NAV3: variants seen among roughly 807,000 people sequenced by gnomAD.
NAV3 encodes neuron navigator 3, also known as pore membrane and/or filament interacting like protein 1.
NAV3 carries 87 observed loss-of-function variants against 244.7 expected under a neutral mutation model. The observed-to-expected ratio is 0.36, with a 90% CI of 0.30 to 0.42. NAV3 has a LOEUF of 0.42. Among genes scored for constraint, NAV3 ranks in the 20% least tolerant of loss-of-function variants. The pLI, the probability that NAV3 is intolerant of heterozygous loss-of-function variation, is 1.00. For synonymous variants in NAV3, 1,126 were observed against 1,042.2 expected, an observed-to-expected ratio of 1.08 and a Z score of -1.55; for missense variants, 2,663 against 2,893.3, an observed-to-expected ratio of 0.92 and a Z score of 1.83.
In NAV3 at chr12:78,177,294, C is replaced by T. The variant is rs1378774126; in HGVS notation, c.5278C>T (p.Pro1760Ser). The change falls in exon 27 of 40, where the codon CCC (proline) becomes TCC (serine). Residue 1760 changes from proline to serine, a missense_variant. By Grantham distance (74) the Pro-to-Ser change is moderately conservative. Around this residue, in one of 6 missense-constraint regions of NAV3, gnomAD observed 193 missense variants for 200.7 expected, o/e 0.96. Coordinates refer to ENST00000397909, the MANE Select transcript of NAV3 (RefSeq NM_001024383.2). ...AGDCGSASMK[P>S]SQSASASPLV... The stretch of plus-strand genomic sequence containing the variant: ...TGACTGTGGCTCAGCATCCATGAAG[C>T]CCTCACAATCTGCTTCAGCGTAAGT... The T allele has an allele frequency of 1.2e-6, 2 of 1,610,760 alleles. No individual in the cohort carries two copies. The highest frequency in any genetic ancestry group is 8.5e-7 in the Non-Finnish European group (1 of 1,179,082).
At chr12:77,885,018 T>TTTGG (rs1883111196) in intron 1 of NAV3, among the ~76,000 whole-genome samples, 1 of 152,148 alleles carries the variant, frequency 6.6e-6, no homozygotes, top group South Asian at 2.1e-4. Context: ...GAATCTCATC[T>TTTGG]TTATTGTTGG....
chr12:77,728,722 C>T (rs1478526922), intron 2 of NAV3, among the ~76,000 whole-genome samples: 1 of 151,726 alleles, frequency 6.6e-6, no homozygotes, highest in Non-Finnish European at 1.5e-5. Flanking sequence ...TAAGTGATGT[C>T]CAGAACACAC....
chr12:77,818,233 T>C (rs1872594465), intron 2 of NAV3, among the ~76,000 whole-genome samples: 1 of 152,146 alleles, frequency 6.6e-6, no homozygotes, highest in Non-Finnish European at 1.5e-5. Context: ...ATCACAAATA[T>C]TTTATTTCAT....
At chr12:77,969,024 A>T (rs2138004406) in intron 5 of NAV3, among the ~76,000 whole-genome samples, 1 of 152,186 alleles carries the variant, frequency 6.6e-6, no homozygotes, top group Middle Eastern at 3.4e-3. Flanking sequence ...TGTGCTATTG[A>T]GTCCTAGTCT....
intron 2 of NAV3, among the ~76,000 whole-genome samples, chr12:77,629,805 G>A (rs1249552999): frequency 6.6e-6 from 1 of 152,068 alleles, no homozygotes; most frequent in African/African-American, 2.4e-5. Flanking sequence ...CTGCCTTTTG[G>A]ATAAGCTCAG....
chr12:77,667,229 A>G (rs897922072), intron 2 of NAV3, among the ~76,000 whole-genome samples: 1 of 152,140 alleles, frequency 6.6e-6, no homozygotes, highest in Admixed American at 6.5e-5. Flanking sequence ...GAAATACCGC[A>G]GGAACATACC....
intron 2 of NAV3, among the ~76,000 whole-genome samples, chr12:77,647,178 G>C (rs1565751709): frequency 6.6e-6 from 1 of 152,096 alleles, no homozygotes; most frequent in African/African-American, 2.4e-5. Context: ...CCATTAATAA[G>C]AGAATGGATG....
At chr12:77,793,336 C>A (rs1177517646) in intron 2 of NAV3, among the ~76,000 whole-genome samples, 1 of 152,140 alleles carries the variant, frequency 6.6e-6, no homozygotes, top group African/African-American at 2.4e-5. Flanking sequence ...TTTTGGGATA[C>A]ATGTGCAGAA....
intron 2 of NAV3, among the ~76,000 whole-genome samples, chr12:77,733,006 A>T (rs1043433860): frequency 4.3e-4 from 65 of 152,210 alleles, no homozygotes; most frequent in African/African-American, 1.5e-3. Flanking sequence ...TTTGGGCTTT[A>T]GCCTGACAGC....
Position 78,118,438 on chromosome 12 carries a change from T to C in NAV3, c.3040+141T>C, listed in dbSNP as rs144735263. Reference sequence around the variant, plus strand: ...AACATGGAGTCAAATAGTTAAATAGTTTTTCTGTCTACGTTTCACAAACTC... The same window carrying C: ...AACATGGAGTCAAATAGTTAAATAGCTTTTCTGTCTACGTTTCACAAACTC... On this transcript the variant is annotated intron_variant, in intron 14 of 39. Coordinates refer to ENST00000397909, the MANE Select transcript of NAV3 (RefSeq NM_001024383.2). The C allele has an allele frequency of 2.0e-3, 2,372 of 1,185,200 alleles. 35 individuals are homozygous for C. The East Asian group carries it at 0.038, about 19-fold the overall frequency. The allele number at this position is 1,185,200 out of a possible 1,614,324, so 73.4% of individuals were successfully genotyped here. A position where few individuals can be genotyped will look rare whatever the true frequency, so the allele number is the denominator to read the frequency against.
At chr12:77,753,383 T>C (rs1868960412) in intron 2 of NAV3, among the ~76,000 whole-genome samples, 1 of 152,128 alleles carries the variant, frequency 6.6e-6, no homozygotes, top group Non-Finnish European at 1.5e-5. Flanking sequence ...CTAAATCACT[T>C]CTTTTAAAGT....
At chr12:77,707,883 C>A (rs1029421625) in intron 2 of NAV3, among the ~76,000 whole-genome samples, 1 of 152,036 alleles carries the variant, frequency 6.6e-6, no homozygotes, top group Non-Finnish European at 1.5e-5. Context: ...TCTGTTCATA[C>A]CCTTTGCTCA....
intron 2 of NAV3, among the ~76,000 whole-genome samples, chr12:77,757,901 A>T (rs778364878): frequency 2.6e-5 from 4 of 152,120 alleles, no homozygotes; most frequent in Non-Finnish European, 5.9e-5. Flanking sequence ...TTCCATCAGA[A>T]CCTTCTGAGA....
intron 12 of NAV3, among the ~76,000 whole-genome samples, chr12:78,081,013 C>G (rs1355538888): frequency 6.6e-6 from 1 of 152,140 alleles, no homozygotes; most frequent in Non-Finnish European, 1.5e-5. Flanking sequence ...GACAAGCTAG[C>G]AGGTATGAAC....
intron 2 of NAV3, among the ~76,000 whole-genome samples, chr12:77,806,913 G>A (rs1320332516): frequency 6.6e-6 from 1 of 152,176 alleles, no homozygotes; most frequent in East Asian, 1.9e-4. Flanking sequence ...CCCTTTACCA[G>A]TATGTAATGT....
intron 34 of NAV3, among the ~76,000 whole-genome samples, chr12:78,192,772 T>C (rs1447809511): frequency 6.6e-6 from 1 of 152,100 alleles, no homozygotes; most frequent in East Asian, 1.9e-4. Context: ...AAATTATAAC[T>C]AAAAAATATT....
In NAV3 at chr12:78,007,176, A is replaced by T. The variant is rs201405730; in HGVS notation, c.1638A>T (p.Thr546=). The T allele has an allele frequency of 5.3e-5, 86 of 1,614,076 alleles. No homozygotes were observed. The highest frequency in any genetic ancestry group is 7.6e-6 in the Non-Finnish European group (9 of 1,180,040). The change falls in exon 8 of 40, where the codon ACA becomes ACT. Residue 546 remains threonine (T), a synonymous_variant. Transcript: ENST00000397909. ...AGCAAACCATTTCACCTGGCAGCACAGCAAGCAAAGAGTCTGAGAAATTCA... is the reference window on the plus strand; with the variant it reads ...AGCAAACCATTTCACCTGGCAGCACTGCAAGCAAAGAGTCTGAGAAATTCA... ...TVKQTISPGS[T]ASKESEKFRT...
intron 2 of NAV3, among the ~76,000 whole-genome samples, chr12:77,787,341 G>A (rs992722991): frequency 2.6e-5 from 4 of 152,092 alleles, no homozygotes; most frequent in African/African-American, 9.7e-5. Context: ...AGAAATTGTG[G>A]GGTGTATTAG....
chr12:78,037,508 A>G (rs970153907), intron 9 of NAV3: 10 of 591,010 alleles, frequency 1.7e-5, no homozygotes, highest in Non-Finnish European at 3.0e-5. Flanking sequence ...AAAAATACAT[A>G]GTTACATTTT....
Sources: allele counts gnomAD v4.1 joint callset (sites outside exome capture counted in the v4.1 genomes callset), GRCh38; gene constraint gnomAD v4.1.1; regional missense constraint gnomAD v4.1.1; transcripts MANE v1.5; gene names NCBI Gene and HGNC (gene_info 2026-07-23, HGNC 2026-07-21).